PHACTR3: variants seen among roughly 807,000 people sequenced by gnomAD.
PHACTR3 encodes phosphatase and actin regulator 3.
In PHACTR3, 16 loss-of-function variants were observed where a neutral mutation model predicts 66.8. The ratio of observed to expected loss-of-function variants is 0.24; its 90% CI spans 0.16 to 0.36. PHACTR3 has a LOEUF of 0.36. PHACTR3 is among the 10% of genes least tolerant of loss of function. PHACTR3 has a pLI of 1.00. For missense variants in PHACTR3, 647 were observed against 719.9 expected, an observed-to-expected ratio of 0.90 and a Z score of 1.16; for synonymous variants, 323 against 292.1, an observed-to-expected ratio of 1.11 and a Z score of -1.08.
At chr20:59,757,263 G>C (rs577121490) in intron 4 of PHACTR3, among the ~76,000 whole-genome samples, 4 of 152,282 alleles carry the variant, frequency 2.6e-5, no homozygotes, top group African/African-American at 9.6e-5. Flanking sequence ...CTCAGCTCAG[G>C]GCCTGTGCCT....
At chr20:59,846,308 A>G (rs551235013) in intron 12 of PHACTR3, among the ~76,000 whole-genome samples, 1 of 152,234 alleles carries the variant, frequency 6.6e-6, no homozygotes, top group Admixed American at 6.5e-5. Context: ...TTCCACCTTA[A>G]CCAATGGTTT....
intron 1 of PHACTR3, among the ~76,000 whole-genome samples, chr20:59,689,092 G>A (rs541568257): frequency 2.0e-5 from 3 of 152,310 alleles, no homozygotes; most frequent in South Asian, 4.1e-4. Flanking sequence ...TTTTAAATGC[G>A]TGTCTTAAGA....
chr20:59,700,784 G>T (rs2037474825), intron 1 of PHACTR3, among the ~76,000 whole-genome samples: 1 of 150,146 alleles, frequency 6.7e-6, no homozygotes, highest in Non-Finnish European at 1.5e-5. Context: ...TACTTTTTTT[G>T]TTTTGTTTTT....
At chr20:59,640,738 A>G (rs2146422466) in intron 1 of PHACTR3, among the ~76,000 whole-genome samples, 1 of 152,318 alleles carries the variant, frequency 6.6e-6, no homozygotes, top group South Asian at 2.1e-4. Context: ...TTTACCTTGC[A>G]TCTCAGAGAA....
intron 8 of PHACTR3, among the ~76,000 whole-genome samples, chr20:59,812,803 T>C (rs561413615): frequency 9.9e-4 from 151 of 152,236 alleles, no homozygotes; most frequent in African/African-American, 3.5e-3. Context: ...TCTGAGAGGG[T>C]CTGCCGTGAC....
At chr20:59,660,450 C>A (rs542567850) in intron 1 of PHACTR3, among the ~76,000 whole-genome samples, 1 of 152,200 alleles carries the variant, frequency 6.6e-6, no homozygotes, top group African/African-American at 2.4e-5. Flanking sequence ...GCCGAGATTG[C>A]GCCACTGCAC....
In PHACTR3 at chr20:59,738,161, C is replaced by T. The variant is rs1032773962; in HGVS notation, c.119-4946C>T. Among the ~76,000 whole-genome samples the T allele has an allele frequency of 6.6e-6, 1 of 152,056 alleles. No homozygotes were observed. The highest frequency in any genetic ancestry group is 1.5e-5 in the Non-Finnish European group (1 of 68,010). On this transcript the variant is annotated intron_variant, in intron 1 of 12. Coordinates refer to ENST00000371015, the MANE Select transcript of PHACTR3 (RefSeq NM_080672.5). The surrounding 1 kb of genome is among the most constrained non-coding windows in gnomAD (Gnocchi z 4.4). Reference sequence around the variant, plus strand: ...GGAGACACCATACCCCCCAGCAAGGCCCTGGCAAAGGGGATGCAGGGAGTC... The same window carrying T: ...GGAGACACCATACCCCCCAGCAAGGTCCTGGCAAAGGGGATGCAGGGAGTC...
At chr20:59,578,319 T>A (rs954621898) in intron 1 of PHACTR3, among the ~76,000 whole-genome samples, 1 of 152,158 alleles carries the variant, frequency 6.6e-6, no homozygotes. Context: ...CATGGGTGCA[T>A]GAGTACCAGG....
At position 59,660,353 on chromosome 20, in the gene PHACTR3, G is replaced by T. The variant is rs548303016; in HGVS notation, c.118+55221G>T. On this transcript the variant is annotated intron_variant, in intron 1 of 12. Coordinates refer to ENST00000371015, the MANE Select transcript of PHACTR3 (RefSeq NM_080672.5). ...ACTAAAAATACAAAAAATTAGCCGG[G>T]CATGGTGGCGGATGCCTGTAGTCCC... Among the ~76,000 whole-genome samples, 260 of 152,354 alleles carry T rather than the reference G, an allele frequency of 1.7e-3. 2 individuals carry two copies. Among genetic ancestry groups the T allele is most frequent in the African/African-American group, 5.7e-3 (239 of 41,590 alleles).
rs148826835 is a variant in PHACTR3 at position 59,745,769 on chromosome 20, G to A, written c.281-1989G>A. 4.3e-3 allele frequency among the ~76,000 whole-genome samples: 656 copies of A among 152,314 alleles called. 7 individuals carry two copies. Among genetic ancestry groups the A allele is most frequent in the African/African-American group, 0.015 (631 of 41,574 alleles). ...TCAGTCCATGCCTGCCCTGGCAGGT[G>A]GCTCAGATCCACTCAGCCATTTACA... On this transcript the variant is annotated intron_variant, in intron 2 of 12. Transcript: ENST00000371015.
At chr20:59,603,468 C>T (rs1336324662), upstream of PHACTR3, 1 of 152,704 alleles carries the variant, frequency 6.5e-6, no homozygotes, top group Non-Finnish European at 1.5e-5. Context: ...CACCACCCCG[C>T]TCAGTTCTGT....
intron 2 of PHACTR3, among the ~76,000 whole-genome samples, chr20:59,744,426 G>A (rs941072233): frequency 1.3e-5 from 2 of 152,218 alleles, no homozygotes; most frequent in African/African-American, 2.4e-5. Context: ...TAGTGAGGGA[G>A]CTGCTGCTGT....
intron 8 of PHACTR3, among the ~76,000 whole-genome samples, chr20:59,806,395 G>A (rs972239264): frequency 5.9e-5 from 9 of 152,212 alleles, no homozygotes; most frequent in Non-Finnish European, 1.2e-4. Context: ...ATGCTCAGAT[G>A]TTTAGCGGCA....
chr20:59,647,441 C>A (rs2035317926), intron 1 of PHACTR3, among the ~76,000 whole-genome samples: 1 of 152,076 alleles, frequency 6.6e-6, no homozygotes, highest in Non-Finnish European at 1.5e-5. Context: ...TTTAGGGTAC[C>A]AGGTGGAAGG....
intron 7 of PHACTR3, among the ~76,000 whole-genome samples, chr20:59,775,135 G>A (rs533711402): frequency 2.7e-4 from 40 of 149,922 alleles, no homozygotes; most frequent in African/African-American, 8.5e-4. Context: ...GGCTCGGGAC[G>A]ATAGAGGCCT....
chr20:59,595,750 A>G (rs1188307642), intron 1 of PHACTR3, among the ~76,000 whole-genome samples: 1 of 152,034 alleles, frequency 6.6e-6, no homozygotes, highest in Non-Finnish European at 1.5e-5. Flanking sequence ...TTTTTACCTC[A>G]TGTATTTTGA....
Position 59,773,403 on chromosome 20 carries a change from C to T in PHACTR3, c.876C>T (p.Arg292=), listed in dbSNP as rs144199420. The T allele has an allele frequency of 6.7e-3, 10,862 of 1,614,074 alleles. 102 individuals are homozygous for T. The highest frequency in any genetic ancestry group is 0.027 in the South Asian group (2,416 of 91,072). Residue 292 remains arginine (R), a synonymous_variant, in exon 6 of 13, where the codon CGC becomes CGT. Transcript: ENST00000371015. ...TTVHRPLPPS[R]VIEELHRALA... Reference sequence around the variant, plus strand: ...TCCACCGGCCTCTTCCCCCAAGCCGCGTCATTGAGGAGCTGCACAGGGCGC... The same window carrying T: ...TCCACCGGCCTCTTCCCCCAAGCCGTGTCATTGAGGAGCTGCACAGGGCGC...
chr20:59,730,518 G>A (rs1258253349), intron 1 of PHACTR3, among the ~76,000 whole-genome samples: 1 of 152,146 alleles, frequency 6.6e-6, no homozygotes. Flanking sequence ...TGCGGGGTAG[G>A]CAGGAGTGGA....
intron 1 of PHACTR3, among the ~76,000 whole-genome samples, chr20:59,627,853 TTTTA>T (rs1474695867): frequency 2.0e-5 from 3 of 152,228 alleles, no homozygotes; most frequent in African/African-American, 7.2e-5. Flanking sequence ...ATTTATCTAT[TTTTA>T]TTTATGTATC....
Sources: gnomAD v4.1 joint callset for allele counts (sites outside exome capture counted in the v4.1 genomes callset) on GRCh38, gnomAD v4.1.1 for gene constraint, Gnocchi (gnomAD v3.1) non-coding constraint, MANE v1.5 for transcripts, NCBI Gene and HGNC (gene_info 2026-07-23, HGNC 2026-07-21) for gene names.